The following NEDD9 variants were observed in gnomAD, a reference collection of about 807,000 sequenced individuals.
NEDD9 encodes enhancer of filamentation 1.
In NEDD9, 26 loss-of-function variants were observed where a neutral mutation model predicts 76.6. That is an observed-to-expected ratio of 0.34 (90% CI 0.25 to 0.47). NEDD9 has a LOEUF of 0.47. NEDD9 is among the 20% of genes least tolerant of loss of function. The probability of loss-of-function intolerance (pLI) is 1.00; values close to 1 mark genes in which losing one functional copy is unlikely to be tolerated. For synonymous variants in NEDD9, 392 were observed against 414.2 expected, an observed-to-expected ratio of 0.95 and a Z score of 0.65; for missense variants, 937 against 1,058.5, an observed-to-expected ratio of 0.89 and a Z score of 1.59.
At chr6:11,315,340 T>G (rs1268016183) in intron 2 of NEDD9, among the ~76,000 whole-genome samples, 1 of 152,216 alleles carries the variant, frequency 6.6e-6, no homozygotes, top group Non-Finnish European at 1.5e-5. Flanking sequence ...GCCACCTGCT[T>G]GCAGAGCAAA....
chr6:11,308,583 A>T (rs1582015117), intron 2 of NEDD9, among the ~76,000 whole-genome samples: 2 of 152,002 alleles, frequency 1.3e-5, no homozygotes, highest in Non-Finnish European at 2.9e-5. Flanking sequence ...GTTAGCCAGG[A>T]TGGTCTTAAT....
intron 3 of NEDD9, among the ~76,000 whole-genome samples, chr6:11,260,143 T>G (rs1322559260): frequency 6.6e-6 from 1 of 152,196 alleles, no homozygotes; most frequent in African/African-American, 2.4e-5. Context: ...AATAATTGTT[T>G]TTAATATTCT....
At chr6:11,332,316 G>A (rs1277952961) in intron 2 of NEDD9, among the ~76,000 whole-genome samples, 1 of 152,172 alleles carries the variant, frequency 6.6e-6, no homozygotes, top group Non-Finnish European at 1.5e-5. Flanking sequence ...GTGGTGCAGT[G>A]AACAATGGTT....
At chr6:11,281,673 A>G (rs948289980) in intron 3 of NEDD9, among the ~76,000 whole-genome samples, 1 of 151,904 alleles carries the variant, frequency 6.6e-6, no homozygotes, top group African/African-American at 2.4e-5. Flanking sequence ...GCAGAGCCCA[A>G]AGATGAAGAA....
At chr6:11,253,305 C>G (rs1392318692) in intron 3 of NEDD9, among the ~76,000 whole-genome samples, 2 of 152,188 alleles carry the variant, frequency 1.3e-5, no homozygotes, top group African/African-American at 2.4e-5. Context: ...GGCCTCCCCG[C>G]TTGTAGGAAT....
At chr6:11,287,524 CCACA>C (rs58610423) in intron 3 of NEDD9, among the ~76,000 whole-genome samples, 36,086 of 148,490 alleles carry the variant, frequency 0.24, 4,268 homozygotes, top group Admixed American at 0.31. Flanking sequence ...GTGCACAAAT[CCACA>C]CACACACACA....
At chr6:11,199,610 AAAAAATGAAG>A (rs1241812281) in intron 2 of NEDD9, 1 of 149,014 alleles carries the variant, frequency 6.7e-6, no homozygotes, top group African/African-American at 2.5e-5. Context: ...AGACAACTTA[AAAAAATGAAG>A]AAAAGCTAGG....
intron 3 of NEDD9, among the ~76,000 whole-genome samples, chr6:11,240,490 C>G (rs75567855): frequency 6.6e-6 from 1 of 152,164 alleles, no homozygotes; most frequent in African/African-American, 2.4e-5. Context: ...AAATAGAACA[C>G]GTAAAACCGT....
chr6:11,242,948 T>C (rs1262421254), intron 3 of NEDD9, among the ~76,000 whole-genome samples: 1 of 146,962 alleles, frequency 6.8e-6, no homozygotes, highest in Non-Finnish European at 1.5e-5. Context: ...CAAAGAGTCA[T>C]GCCAAGTGGG....
chr6:11,296,679 CCCTTCCTTCCTT>C (rs529125193), intron 3 of NEDD9, among the ~76,000 whole-genome samples: 125 of 92,976 alleles, frequency 1.3e-3, no homozygotes, highest in Middle Eastern at 5.6e-3. Context: ...CCTTTCCTTT[CCCTTCCTTCCTT>C]CCTTCCTTCC....
intron 3 of NEDD9, among the ~76,000 whole-genome samples, chr6:11,243,341 G>C (rs951289414): frequency 6.6e-6 from 1 of 152,212 alleles, no homozygotes; most frequent in Admixed American, 6.5e-5. Context: ...TGATGATGAT[G>C]ATGATGATCA....
intron 3 of NEDD9, among the ~76,000 whole-genome samples, chr6:11,279,363 G>C (rs115309149): frequency 8.3e-4 from 127 of 152,288 alleles, no homozygotes; most frequent in Non-Finnish European, 1.5e-3. Flanking sequence ...GCCCTAATGC[G>C]GGTGCTTGGA....
Position 11,250,305 on chromosome 6 carries a change from T to G in NEDD9, c.13-36578A>C, listed in dbSNP as rs775266641. On this transcript the variant is annotated intron_variant, in intron 3 of 3. Coordinates refer to the NEDD9 transcript ENST00000397378. ...CATGACAAGCACAGTAGCCAAAACC[T>G]AAATCTAATTTGACATACCATGAAA... 2.8e-4 allele frequency among the ~76,000 whole-genome samples: 43 copies of G among 152,170 alleles called. 1 individual carries two copies. Among genetic ancestry groups the G allele is most frequent in the Non-Finnish European group, 5.1e-4 (35 of 68,034 alleles).
intron 2 of NEDD9, among the ~76,000 whole-genome samples, chr6:11,197,605 C>T (rs1368447909): frequency 6.6e-6 from 1 of 152,104 alleles, no homozygotes; most frequent in Non-Finnish European, 1.5e-5. Flanking sequence ...AAGGAAGAAT[C>T]CATTTAATAC....
chr6:11,221,986 A>G (rs1198216698), intron 1 of NEDD9, among the ~76,000 whole-genome samples: 1 of 152,220 alleles, frequency 6.6e-6, no homozygotes, highest in Non-Finnish European at 1.5e-5. Context: ...AGGGAAGAGA[A>G]ATAAGAATTA....
chr6:11,291,267 GTTTTTTTTTT>G (rs869185428), intron 3 of NEDD9, among the ~76,000 whole-genome samples: 4 of 95,824 alleles, frequency 4.2e-5, no homozygotes, highest in African/African-American at 1.5e-4. Flanking sequence ...ATAGAATGAG[GTTTTTTTTTT>G]TTTTTTTTTT....
chr6:11,206,769 T>C (rs893256113), intron 2 of NEDD9, among the ~76,000 whole-genome samples: 2 of 151,462 alleles, frequency 1.3e-5, no homozygotes, highest in African/African-American at 2.4e-5. Flanking sequence ...GTGTTAGAGT[T>C]TGCTCATTGC....
intron 3 of NEDD9, 159 bp from the exon 4 acceptor site, chr6:11,192,605 T>TA (rs58511834): frequency 1.7e-4 from 98 of 568,954 alleles, no homozygotes; most frequent in African/African-American, 1.2e-3. Flanking sequence ...CCTTTTTTTT[T>TA]AATACATTTT....
At chr6:11,264,572 C>T (rs191906421) in intron 3 of NEDD9, among the ~76,000 whole-genome samples, 1 of 152,148 alleles carries the variant, frequency 6.6e-6, no homozygotes. Flanking sequence ...TCTTGAAAAC[C>T]AATCCAGCCA....
Sources: allele counts gnomAD v4.1 joint callset (sites outside exome capture counted in the v4.1 genomes callset), GRCh38; gene constraint gnomAD v4.1.1; transcripts MANE v1.5; gene names NCBI Gene and HGNC (gene_info 2026-07-23, HGNC 2026-07-21).